Variants in PAPPA2 observed in about 807,000 individuals in gnomAD.
PAPPA2 encodes the protein pappalysin 2, also known as pappalysin-2.
In PAPPA2, 86 loss-of-function variants were observed where a neutral mutation model predicts 176.4. The ratio of observed to expected loss-of-function variants is 0.49; its 90% CI spans 0.41 to 0.58. PAPPA2 has a LOEUF of 0.58. Among genes scored for constraint, PAPPA2 ranks in the 20% least tolerant of loss-of-function variants. The probability of loss-of-function intolerance (pLI) is 0.00; values close to 1 mark genes in which losing one functional copy is unlikely to be tolerated. For missense variants in PAPPA2, 2,073 were observed against 2,256.9 expected, an observed-to-expected ratio of 0.92 and a Z score of 1.65; for synonymous variants, 809 against 852.2, an observed-to-expected ratio of 0.95 and a Z score of 0.88.
At chr1:176,486,390 T>C (rs1652645782) in intron 1 of PAPPA2, among the ~76,000 whole-genome samples, 1 of 152,200 alleles carries the variant, frequency 6.6e-6, no homozygotes, top group Non-Finnish European at 1.5e-5. Context: ...GTATAACACA[T>C]AGCCCTTGAC....
chr1:176,834,275 C>G (rs184034579), intron 21 of PAPPA2, among the ~76,000 whole-genome samples: 1 of 152,240 alleles, frequency 6.6e-6, no homozygotes, highest in East Asian at 1.9e-4. Context: ...ATGAAATTTT[C>G]CAGAGAAGAT....
chr1:176,675,865 C>T (rs1659260016), intron 4 of PAPPA2, among the ~76,000 whole-genome samples: 1 of 151,982 alleles, frequency 6.6e-6, no homozygotes, highest in African/African-American at 2.4e-5. Flanking sequence ...ATATACGGAA[C>T]TCTCAAAACT....
intron 22 of PAPPA2, among the ~76,000 whole-genome samples, chr1:176,840,839 C>T (rs914700375): frequency 6.6e-6 from 1 of 152,138 alleles, no homozygotes; most frequent in African/African-American, 2.4e-5. Flanking sequence ...TAAGCTGAAA[C>T]TTTGCAATAA....
At chr1:176,610,752 C>T (rs552244207) in intron 3 of PAPPA2, among the ~76,000 whole-genome samples, 1 of 152,288 alleles carries the variant, frequency 6.6e-6, no homozygotes, top group South Asian at 2.1e-4. Flanking sequence ...CTTTCCTCTG[C>T]TTTGCTGAGA....
chr1:176,564,553 C>A (rs1025681635), intron 2 of PAPPA2, among the ~76,000 whole-genome samples: 1 of 152,172 alleles, frequency 6.6e-6, no homozygotes, highest in Admixed American at 6.5e-5. Context: ...TCTAGTTTCA[C>A]GCTATGCAAA....
At chr1:176,675,883 AAAAC>A (rs560941626) in intron 4 of PAPPA2, among the ~76,000 whole-genome samples, 190 of 152,232 alleles carry the variant, frequency 1.2e-3, no homozygotes, top group African/African-American at 4.5e-3. Flanking sequence ...ACTCAACAGT[AAAAC>A]AAACAAAAAT....
chr1:176,579,020 A>C (rs1441698447), intron 2 of PAPPA2, among the ~76,000 whole-genome samples: 2 of 152,026 alleles, frequency 1.3e-5, no homozygotes, highest in East Asian at 3.9e-4. Context: ...TTTCCCCCTC[A>C]TTAGGGTGGT....
intron 17 of PAPPA2, among the ~76,000 whole-genome samples, chr1:176,777,614 T>C (rs896460484): frequency 6.6e-6 from 1 of 152,150 alleles, no homozygotes; most frequent in South Asian, 2.1e-4. Flanking sequence ...AGATCTAAAT[T>C]TGAATCTCAA....
At chr1:176,554,970 T>C (rs1382758643) in intron 1 of PAPPA2, among the ~76,000 whole-genome samples, 1 of 131,100 alleles carries the variant, frequency 7.6e-6, no homozygotes, top group Non-Finnish European at 1.6e-5. Flanking sequence ...CTGTTCACAG[T>C]AAGTGTGTGT....
Position 176,704,835 on chromosome 1 carries a change from G to A in PAPPA2, c.3366-1524G>A, listed in dbSNP as rs116040027. Among the ~76,000 whole-genome samples the A allele has an allele frequency of 5.6e-3, 848 of 152,168 alleles. 15 individuals carry two copies. Among genetic ancestry groups the A allele is most frequent in the African/African-American group, 0.02 (813 of 41,516 alleles). ...CATGCCTCATTTTATACTGACTGCA[G>A]ATTGAAATAATATTTTGAATATTTT... On this transcript the variant is annotated intron_variant, in intron 9 of 22. Transcript: ENST00000367662.
intron 14 of PAPPA2, among the ~76,000 whole-genome samples, chr1:176,745,747 T>C (rs1389955534): frequency 2.0e-5 from 3 of 152,146 alleles, no homozygotes; most frequent in Non-Finnish European, 2.9e-5. Flanking sequence ...GGTTCAGATC[T>C]CACTGGAGGA....
At chr1:176,559,709 A>G (rs781287830) in intron 2 of PAPPA2, among the ~76,000 whole-genome samples, 4 of 152,216 alleles carry the variant, frequency 2.6e-5, no homozygotes, top group Admixed American at 6.5e-5. Context: ...CAGAATGACA[A>G]TAGAATCATG....
intron 3 of PAPPA2, among the ~76,000 whole-genome samples, chr1:176,613,556 C>T (rs1655046646): frequency 6.6e-6 from 1 of 152,210 alleles, no homozygotes; most frequent in African/African-American, 2.4e-5. Context: ...TTCTGCATTT[C>T]ATTCCATGCT....
At chr1:176,622,210 A>G (rs1573142732) in intron 3 of PAPPA2, among the ~76,000 whole-genome samples, 1 of 152,176 alleles carries the variant, frequency 6.6e-6, no homozygotes, top group Non-Finnish European at 1.5e-5. Context: ...GTACCAGTTT[A>G]TCTTTGTACT....
At chr1:176,509,803 G>A (rs1648477741) in intron 1 of PAPPA2, among the ~76,000 whole-genome samples, 1 of 151,696 alleles carries the variant, frequency 6.6e-6, no homozygotes, top group South Asian at 2.1e-4. Flanking sequence ...GGAAATTTGA[G>A]AACAGCCTGG....
At chr1:176,608,675 C>G (rs1399086774) in intron 3 of PAPPA2, among the ~76,000 whole-genome samples, 2 of 152,146 alleles carry the variant, frequency 1.3e-5, no homozygotes, top group Non-Finnish European at 2.9e-5. Flanking sequence ...TTATCGAACA[C>G]CCTACCTTTG....
In PAPPA2 at chr1:176,557,301, C is replaced by G. The variant is rs115958902; in HGVS notation, c.919+60C>G. The G allele has an allele frequency of 1.8e-4, 267 of 1,491,944 alleles. 1 individual carries two copies. In the African/African-American group the frequency reaches 3.3e-3, roughly 18 times the overall value. The allele number at this position is 1,491,944 out of a possible 1,614,324, so 92.4% of individuals were successfully genotyped here. A position where few individuals can be genotyped will look rare whatever the true frequency, so the allele number is the denominator to read the frequency against. ...AGGGTATGGCTGGCTTTATTTCTGA[C>G]GGGTTAGACATAGGGAGCGAGGATG... is the stretch of plus-strand genomic sequence containing the variant. On this transcript the variant is annotated intron_variant, in intron 2 of 22. Transcript: ENST00000367662.
intron 20 of PAPPA2, 43 bp downstream of exon 20, chr1:176,793,712 C>T: frequency 7.0e-7 from 1 of 1,424,764 alleles, no homozygotes; most frequent in South Asian, 1.2e-5. Flanking sequence ...CATGAGTCTG[C>T]TGAGCAACAC....
intron 18 of PAPPA2, 74 bp from the exon 19 acceptor site, chr1:176,791,273 A>C (rs1178599628): frequency 1.4e-6 from 2 of 1,392,540 alleles, no homozygotes; most frequent in African/African-American, 3.1e-5. Flanking sequence ...ACTACCACTT[A>C]ATCAGACCAC....
Sources: allele counts gnomAD v4.1 joint callset (sites outside exome capture counted in the v4.1 genomes callset), GRCh38; gene constraint gnomAD v4.1.1; transcripts MANE v1.5; gene names NCBI Gene and HGNC (gene_info 2026-07-23, HGNC 2026-07-21).